The following CDH13 variants were observed in gnomAD, a reference collection of about 807,000 sequenced individuals.
CDH13 encodes the protein cadherin 13.
Under a neutral mutation model 63.8 loss-of-function variants are expected in CDH13, and 24 were observed. That is an observed-to-expected ratio of 0.38 (90% CI 0.27 to 0.53). The LOEUF (loss-of-function observed/expected upper bound fraction) is 0.53. Ranked by LOEUF, CDH13 falls within the 20% of genes least tolerant of loss-of-function variation. CDH13 has a pLI of 0.85. For missense variants in CDH13, 1,049 were observed against 903.1 expected (o/e 1.16, Z -2.07); for synonymous variants, 503 against 355.3 (o/e 1.42, Z -4.67).
At chr16:82,906,951 T>A (rs2041666236) in intron 2 of CDH13, among the ~76,000 whole-genome samples, 1 of 152,164 alleles carries the variant, frequency 6.6e-6, no homozygotes, top group South Asian at 2.1e-4. Flanking sequence ...GACCGTAACT[T>A]TGTCACATCT....
chr16:82,996,235 G>T (rs1230117905), intron 2 of CDH13, among the ~76,000 whole-genome samples: 1 of 151,894 alleles, frequency 6.6e-6, no homozygotes, highest in Admixed American at 6.6e-5. Context: ...TCGAAAATCA[G>T]TTGAGAAGTA....
chr16:82,899,287 T>C (rs555630957), intron 2 of CDH13, among the ~76,000 whole-genome samples: 1 of 152,186 alleles, frequency 6.6e-6, no homozygotes, highest in Non-Finnish European at 1.5e-5. Flanking sequence ...CTACCCATGG[T>C]CCCTAGAGTC....
intron 4 of CDH13, among the ~76,000 whole-genome samples, chr16:83,157,093 T>G (rs778409768): frequency 1.4e-4 from 21 of 152,262 alleles, no homozygotes; most frequent in Non-Finnish European, 2.5e-4. Flanking sequence ...AATGCTGTTC[T>G]CAGTCAGGTT....
chr16:83,074,197 T>G (rs189029410), intron 3 of CDH13, among the ~76,000 whole-genome samples: 68 of 152,328 alleles, frequency 4.5e-4, no homozygotes, highest in African/African-American at 1.5e-3. Context: ...TTGCGCTCTT[T>G]TTCTCCATAT....
At chr16:83,102,949 T>C (rs1567831716) in intron 3 of CDH13, among the ~76,000 whole-genome samples, 149 of 45,154 alleles carry the variant, frequency 3.3e-3, no homozygotes, top group Middle Eastern at 0.023. Flanking sequence ...TTTCTTTTTC[T>C]TTTTTTTTTT....
At chr16:83,151,532 C>T (rs7198964) in intron 4 of CDH13, among the ~76,000 whole-genome samples, 8,249 of 152,218 alleles carry the variant, frequency 0.054, 724 homozygotes, top group African/African-American at 0.19. Context: ...AACTGAACCC[C>T]TAAAAGGCGG....
At chr16:82,979,644 G>A (rs1002577095) in intron 2 of CDH13, among the ~76,000 whole-genome samples, 3 of 152,144 alleles carry the variant, frequency 2.0e-5, no homozygotes, top group Non-Finnish European at 2.9e-5. Context: ...GGCTTCCCAA[G>A]CCGTGCAGAA....
At chr16:83,286,951 C>T (rs998650259) in intron 5 of CDH13, among the ~76,000 whole-genome samples, 2 of 151,980 alleles carry the variant, frequency 1.3e-5, no homozygotes, top group African/African-American at 2.4e-5. Context: ...GCCCGTGCTC[C>T]TATGTGTATT....
chr16:82,745,286 C>T (rs1415194978), intron 1 of CDH13, among the ~76,000 whole-genome samples: 1 of 152,132 alleles, frequency 6.6e-6, no homozygotes, highest in East Asian at 1.9e-4. Context: ...TAGCCTTTCC[C>T]AACCGAATGC....
chr16:83,719,663 G>T (rs1357326752), intron 10 of CDH13, among the ~76,000 whole-genome samples: 1 of 152,190 alleles, frequency 6.6e-6, no homozygotes, highest in East Asian at 1.9e-4. Context: ...GTGACGCTAG[G>T]AGGTATGCAC....
At chr16:83,545,159 T>C (rs1158745916) in intron 7 of CDH13, among the ~76,000 whole-genome samples, 1 of 152,194 alleles carries the variant, frequency 6.6e-6, no homozygotes, top group African/African-American at 2.4e-5. Flanking sequence ...TCCTTAGCCC[T>C]TCTTAGAAGT....
chr16:83,473,125 G>T (rs2073503018), intron 6 of CDH13, among the ~76,000 whole-genome samples: 1 of 152,124 alleles, frequency 6.6e-6, no homozygotes, highest in African/African-American at 2.4e-5. Context: ...CCCTAATAGA[G>T]ATCCTTCATC....
At chr16:82,860,055 A>G (rs1268720668) in intron 2 of CDH13, among the ~76,000 whole-genome samples, 1 of 152,182 alleles carries the variant, frequency 6.6e-6, no homozygotes. Context: ...CAGAATCAAT[A>G]TATTTCAAAC....
chr16:82,896,633 A>G (rs1309733799), intron 2 of CDH13, among the ~76,000 whole-genome samples: 1 of 151,786 alleles, frequency 6.6e-6, no homozygotes, highest in African/African-American at 2.4e-5. Context: ...TTATTAGGGG[A>G]TATACCTGGG....
chr16:83,449,418 G>A (rs1011475944), intron 6 of CDH13, among the ~76,000 whole-genome samples: 5 of 152,266 alleles, frequency 3.3e-5, no homozygotes, highest in South Asian at 2.1e-4. Flanking sequence ...ACACATCTTC[G>A]TCATGTCCTT....
rs368957318 is a variant in CDH13 at position 83,655,567 on chromosome 16, A to G, written c.1102-15223A>G. ...CAAACCCATGGCAGAGCCCATGTGA[A>G]TGAGGGAGAAAAGGCAGAGATGGGC... is the stretch of plus-strand genomic sequence containing the variant. On this transcript the variant is annotated intron_variant, in intron 8 of 13. Coordinates refer to ENST00000567109, the MANE Select transcript of CDH13 (RefSeq NM_001257.5). 2.4e-4 allele frequency among the ~76,000 whole-genome samples: 36 copies of G among 152,324 alleles called. 1 individual carries two copies. The South Asian group carries it at 7.3e-3, about 31-fold the overall frequency.
chr16:83,135,039 T>C (rs2036221672), intron 4 of CDH13, among the ~76,000 whole-genome samples: 1 of 152,232 alleles, frequency 6.6e-6, no homozygotes, highest in Non-Finnish European at 1.5e-5. Context: ...GCATTTCAGC[T>C]TGAATTAGCA....
At chr16:83,157,469 T>A (rs549785484) in intron 4 of CDH13, among the ~76,000 whole-genome samples, 27 of 152,344 alleles carry the variant, frequency 1.8e-4, no homozygotes, top group South Asian at 6.2e-4. Context: ...TAGTTATATT[T>A]TAATTGCCTT....
intron 1 of CDH13, among the ~76,000 whole-genome samples, chr16:82,642,649 A>G (rs957368535): frequency 1.3e-5 from 2 of 152,176 alleles, no homozygotes; most frequent in African/African-American, 4.8e-5. Context: ...TGTTCTGTTT[A>G]TCTTTGGATT....
Sources: allele counts gnomAD v4.1 joint callset (sites outside exome capture counted in the v4.1 genomes callset), GRCh38; gene constraint gnomAD v4.1.1; transcripts MANE v1.5; gene names NCBI Gene and HGNC (gene_info 2026-07-23, HGNC 2026-07-21).